Variants in SCML4 observed in about 807,000 individuals in gnomAD.
SCML4 encodes Scm polycomb group protein like 4.
SCML4 carries 34 observed loss-of-function variants against 41.1 expected under a neutral mutation model. That is an observed-to-expected ratio of 0.83 (90% CI 0.63 to 1.10). SCML4 has a LOEUF of 1.10. SCML4 is among the 50% of genes least tolerant of loss of function. The pLI is 0.00. For missense variants in SCML4, 522 were observed against 534.1 expected (o/e 0.98, Z 0.22); for synonymous variants, 214 against 220.9 (o/e 0.97, Z 0.28).
At chr6:107,714,494 C>T (rs3851214) in intron 6 of SCML4, among the ~76,000 whole-genome samples, 94,518 of 152,092 alleles carry the variant, frequency 0.62, 31,188 homozygotes, top group Admixed American at 0.76. Context: ...TTCTCCCTGA[C>T]AGCAATCATC....
intron 6 of SCML4, among the ~76,000 whole-genome samples, chr6:107,714,833 T>C (rs1774593972): frequency 6.6e-6 from 1 of 151,848 alleles, no homozygotes; most frequent in African/African-American, 2.4e-5. Context: ...AGTAGATTTG[T>C]TTTCCTAAAT....
At chr6:107,750,752 G>C (rs1259555673) in intron 2 of SCML4, among the ~76,000 whole-genome samples, 2 of 152,156 alleles carry the variant, frequency 1.3e-5, no homozygotes, top group Non-Finnish European at 2.9e-5. Flanking sequence ...AGAGGGTCTT[G>C]TTAAAATGCA....
At chr6:107,745,165 A>G in intron 4 of SCML4, 22 bp from the exon 5 acceptor site, 2 of 1,527,484 alleles carry the variant, frequency 1.3e-6, no homozygotes, top group Non-Finnish European at 1.8e-6. Flanking sequence ...GAGAGATGTC[A>G]GCTTAGAGCC....
At chr6:107,712,657 G>A (rs973164377) in intron 6 of SCML4, among the ~76,000 whole-genome samples, 2 of 152,148 alleles carry the variant, frequency 1.3e-5, no homozygotes, top group Non-Finnish European at 2.9e-5. Flanking sequence ...TCACACCTCG[G>A]GAGCTGCTCC....
Position 107,704,952 on chromosome 6 carries a change from A to G in SCML4, c.*248T>C. 1.8e-6 allele frequency: 1 copy of G among 560,382 alleles called. No homozygotes were observed. Among genetic ancestry groups the G allele is most frequent in the Non-Finnish European group, 3.2e-6 (1 of 315,976 alleles). The allele number at this position is 560,382 out of a possible 1,614,324, so 34.7% of individuals were successfully genotyped here. A position where few individuals can be genotyped will look rare whatever the true frequency, so the allele number is the denominator to read the frequency against. On this transcript the variant is annotated 3_prime_UTR_variant, in exon 8 of 8. Transcript: ENST00000369020. ...CCACTTTAAGAGAAACCAGCATAAC[A>G]GGGATGTTAAAAATCACAGGCTTTT...
At chr6:107,837,644 C>T in the SCML4 span, among the ~76,000 whole-genome samples, 3 of 152,256 alleles carry the variant, frequency 2.0e-5, no homozygotes, top group Non-Finnish European at 2.9e-5. Context: ...GATATCCCAT[C>T]CCTCAGGGAT....
chr6:107,816,322 T>C (rs1007861270), intron 1 of SCML4, among the ~76,000 whole-genome samples: 2 of 152,246 alleles, frequency 1.3e-5, no homozygotes, highest in African/African-American at 4.8e-5. Flanking sequence ...ACAGCATTTA[T>C]GGTTTACAAA....
At chr6:107,844,824 G>A in the SCML4 span, among the ~76,000 whole-genome samples, 1 of 152,044 alleles carries the variant, frequency 6.6e-6, no homozygotes, top group African/African-American at 2.4e-5. Context: ...CACTTTGGGA[G>A]GCCAAGCTGA....
At chr6:107,747,416 G>A (rs980701891) in intron 3 of SCML4, among the ~76,000 whole-genome samples, 4 of 151,944 alleles carry the variant, frequency 2.6e-5, no homozygotes, top group Non-Finnish European at 4.4e-5. Context: ...TCAACAACCC[G>A]CTTAGGTGAA....
chr6:107,813,370 T>TTATATATATATA (rs543060112), intron 1 of SCML4, among the ~76,000 whole-genome samples: 8 of 42,448 alleles, frequency 1.9e-4, no homozygotes, highest in African/African-American at 4.1e-4. Flanking sequence ...CTCAAAAAAA[T>TTATATATATATA]TATATATATA....
At chr6:107,833,213 A>G in the SCML4 span, among the ~76,000 whole-genome samples, 6 of 152,200 alleles carry the variant, frequency 3.9e-5, no homozygotes, top group African/African-American at 1.4e-4. Context: ...CTGGATATTG[A>G]CATTCTCAAG....
chr6:107,730,330 C>T (rs377743472), intron 5 of SCML4, among the ~76,000 whole-genome samples: 1 of 152,202 alleles, frequency 6.6e-6, no homozygotes, highest in Non-Finnish European at 1.5e-5. Flanking sequence ...GGCGAAGGCA[C>T]TCATGGTCGA....
chr6:107,844,223 G>A, the SCML4 span, among the ~76,000 whole-genome samples: 4 of 152,242 alleles, frequency 2.6e-5, no homozygotes, highest in Admixed American at 2.6e-4. Context: ...GAGTCTGACA[G>A]CAAGAAAACT....
chr6:107,751,764 T>A (rs568469657), intron 2 of SCML4, among the ~76,000 whole-genome samples: 24 of 152,030 alleles, frequency 1.6e-4, no homozygotes, highest in Non-Finnish European at 3.1e-4. Flanking sequence ...GCCTCCCGAG[T>A]AGCTGGGATT....
chr6:107,721,523 C>CA, intron 5 of SCML4, among the ~76,000 whole-genome samples: 1 of 32,546 alleles, frequency 3.1e-5, no homozygotes, highest in Middle Eastern at 9.1e-3. Context: ...AACTCCATCT[C>CA]AAAAAAAGAA....
chr6:107,763,874 C>T (rs1410429191), intron 2 of SCML4, among the ~76,000 whole-genome samples: 1 of 152,192 alleles, frequency 6.6e-6, no homozygotes, highest in Non-Finnish European at 1.5e-5. Context: ...ATTGAAGCCA[C>T]CCAGGCTATG....
chr6:107,785,601 G>A (rs895972108), intron 1 of SCML4, among the ~76,000 whole-genome samples: 4 of 152,196 alleles, frequency 2.6e-5, no homozygotes, highest in African/African-American at 9.6e-5. Context: ...TTCCAGGACT[G>A]AGATCAGCCG....
intron 1 of SCML4, among the ~76,000 whole-genome samples, chr6:107,787,390 C>T (rs1452431102): frequency 3.9e-5 from 6 of 151,972 alleles, no homozygotes; most frequent in Admixed American, 2.0e-4. Context: ...GCAGCAGCTG[C>T]GACTGTCACT....
the SCML4 span, among the ~76,000 whole-genome samples, chr6:107,839,265 G>A: frequency 6.6e-6 from 1 of 151,220 alleles, no homozygotes; most frequent in South Asian, 2.1e-4. Flanking sequence ...CTGCACTCCA[G>A]CCTGGGTGAC....
Sources: allele counts gnomAD v4.1 joint callset (sites outside exome capture counted in the v4.1 genomes callset), GRCh38; gene constraint gnomAD v4.1.1; transcripts MANE v1.5; gene names NCBI Gene and HGNC (gene_info 2026-07-23, HGNC 2026-07-21).